UNC80: variants seen among roughly 807,000 people sequenced by gnomAD.
The protein encoded by UNC80 is protein unc-80 homolog.
In UNC80, 164 loss-of-function variants were observed where a neutral mutation model predicts 384.6. That is an observed-to-expected ratio of 0.43 (90% CI 0.38 to 0.49). The LOEUF (loss-of-function observed/expected upper bound fraction) is 0.49. UNC80 is among the 20% of genes least tolerant of loss of function. UNC80 has a pLI of 0.00. For synonymous variants in UNC80, 1,486 were observed against 1,527.8 expected (o/e 0.97, Z 0.64); for missense variants, 3,330 against 4,143.0 (o/e 0.80, Z 5.39).
At chr2:209,859,926 C>T (rs1311683366) in intron 22 of UNC80, among the ~76,000 whole-genome samples, 2 of 152,062 alleles carry the variant, frequency 1.3e-5, no homozygotes, top group African/African-American at 2.4e-5. Context: ...GGAAATTAGA[C>T]CTTTGTCAAA....
chr2:209,945,238 A>G (rs1449370337), intron 46 of UNC80, 49 bp downstream of exon 46: 2 of 1,528,108 alleles, frequency 1.3e-6, no homozygotes, highest in Non-Finnish European at 1.8e-6. Context: ...GCAGTTGTTA[A>G]ATATAAATAT....
At chr2:209,849,303 G>A (rs1387088750) in intron 21 of UNC80, 148 bp from the exon 22 acceptor site, 4 of 747,520 alleles carry the variant, frequency 5.4e-6, no homozygotes, top group Non-Finnish European at 8.4e-6. Context: ...CAAACATTAG[G>A]GTGGAGAGCA....
intron 52 of UNC80, chr2:209,968,297 T>C (rs892389882): frequency 3.9e-5 from 6 of 152,186 alleles, no homozygotes; most frequent in African/African-American, 1.4e-4. Flanking sequence ...AGTGAGCAGA[T>C]AGTTCAACAG....
At chr2:209,981,985 T>C (rs2093167757) in intron 59 of UNC80, among the ~76,000 whole-genome samples, 194 bp from the exon 60 acceptor site, 1 of 152,212 alleles carries the variant, frequency 6.6e-6, no homozygotes, top group South Asian at 2.1e-4. Context: ...GGGAGATGTA[T>C]AGACACGAAG....
At chr2:209,956,138 C>G (rs990505618) in intron 48 of UNC80, among the ~76,000 whole-genome samples, 1 of 152,054 alleles carries the variant, frequency 6.6e-6, no homozygotes, top group African/African-American at 2.4e-5. Flanking sequence ...TTGACTTACT[C>G]GAAGTGTCAC....
At chr2:209,790,103 C>T (rs769339684) in intron 6 of UNC80, among the ~76,000 whole-genome samples, 7 of 152,022 alleles carry the variant, frequency 4.6e-5, no homozygotes, top group Non-Finnish European at 8.8e-5. Context: ...GACTAACCCA[C>T]ATAAAACGGA....
rs2093424240 is a variant in UNC80 at position 209,993,256 on chromosome 2, CA to C, written c.9397-57del. The C allele has an allele frequency of 6.9e-6, 9 of 1,302,650 alleles. No individual in the cohort carries two copies. The Admixed American group carries it at 1.1e-4, about 16-fold the overall frequency. 80.7% of individuals were successfully genotyped at this position (1,302,650 alleles called of 1,614,324 possible). On this transcript the variant is annotated intron_variant, in intron 62 of 64. Transcript: ENST00000673920. ...CCACAGAAACATATAAATAAAGAAACAATTTCCTCCTAGGCAGTTAGACCCT... is the reference window on the plus strand; with the variant it reads ...CCACAGAAACATATAAATAAAGAAACATTTCCTCCTAGGCAGTTAGACCCT...
At position 209,775,964 on chromosome 2, in the gene UNC80, T is replaced by A. The variant is rs1022019762; in HGVS notation, c.217T>A (p.Ser73Thr). The A allele has an allele frequency of 1.9e-6, 3 of 1,614,182 alleles. No homozygotes were observed. Among genetic ancestry groups the A allele is most frequent in the African/African-American group, 2.7e-5 (2 of 75,038 alleles). ...PALSEAIQSI[S>T]RWELVQAALP... ...TCTCTCTGAAGCCATCCAGAGCATTTCCAGATGGGAACTGGTGCAAGCTGC... is the reference window on the plus strand; with the variant it reads ...TCTCTCTGAAGCCATCCAGAGCATTACCAGATGGGAACTGGTGCAAGCTGC... Residue 73 changes from serine (S) to threonine (T), a missense_variant, in exon 3 of 65, where the codon TCC becomes ACC. This residue lies in a region of UNC80 where 86 missense variants were observed against 141.5 expected (regional missense o/e 0.61). Coordinates refer to ENST00000673920, the MANE Select transcript of UNC80 (RefSeq NM_001371986.1).
chr2:209,940,563 CAGGCCTTTGGG>C (rs2091560173), intron 43 of UNC80, among the ~76,000 whole-genome samples: 1 of 152,128 alleles, frequency 6.6e-6, no homozygotes. Context: ...CCTGTAATCC[CAGGCCTTTGGG>C]AGGCCCAGGG....
At chr2:209,859,036 A>T (rs1265241979) in intron 22 of UNC80, among the ~76,000 whole-genome samples, 1 of 152,212 alleles carries the variant, frequency 6.6e-6, no homozygotes. Flanking sequence ...ATATTTAACT[A>T]AAAGTCTAAA....
intron 21 of UNC80, among the ~76,000 whole-genome samples, chr2:209,843,451 C>T (rs1209570047): frequency 6.6e-6 from 1 of 151,930 alleles, no homozygotes; most frequent in East Asian, 1.9e-4. Flanking sequence ...ATTTCATTAA[C>T]TTAGGAGGTA....
intron 25 of UNC80, 58 bp from the exon 26 acceptor site, chr2:209,888,037 A>G (rs1222705925): frequency 2.0e-6 from 3 of 1,514,018 alleles, no homozygotes; most frequent in Non-Finnish European, 2.7e-6. Context: ...GCTTGCCGCG[A>G]GACCAATGCA....
intron 2 of UNC80, among the ~76,000 whole-genome samples, chr2:209,774,842 GA>G: frequency 6.6e-6 from 1 of 152,100 alleles, no homozygotes; most frequent in South Asian, 2.1e-4. Flanking sequence ...TTATAAAGGT[GA>G]ATTTCTTATT....
In UNC80 at chr2:209,943,913, T is replaced by G. The variant is rs565347290; in HGVS notation, c.7050+399T>G. Among the ~76,000 whole-genome samples the G allele has an allele frequency of 5.3e-5, 8 of 152,306 alleles. No homozygotes were observed. In the South Asian group the frequency reaches 1.7e-3, roughly 32 times the overall value. On this transcript the variant is annotated intron_variant, in intron 45 of 64. Coordinates refer to ENST00000673920, the MANE Select transcript of UNC80 (RefSeq NM_001371986.1). Reference sequence around the variant, plus strand: ...ATTGTTTGGTTACCACTGGAGGTAGTGGCCTGACTTCCTACAAGCCTGACT... The same window carrying G: ...ATTGTTTGGTTACCACTGGAGGTAGGGGCCTGACTTCCTACAAGCCTGACT...
intron 25 of UNC80, among the ~76,000 whole-genome samples, chr2:209,886,146 C>A (rs1184951543): frequency 6.6e-6 from 1 of 151,686 alleles, no homozygotes; most frequent in Admixed American, 6.6e-5. Context: ...TAAAAAATTA[C>A]AAAATATTTT....
chr2:209,949,874 T>C (rs1050534626), intron 47 of UNC80, among the ~76,000 whole-genome samples: 2 of 151,574 alleles, frequency 1.3e-5, no homozygotes, highest in African/African-American at 4.9e-5. Context: ...GTTGCCAAGG[T>C]TGGAGTGCAG....
rs772457874 is a variant in UNC80 at position 209,917,797 on chromosome 2, G to T, written c.5050G>T (p.Ala1684Ser). Reference protein sequence around the residue: ...GAAAAMFLLCAVKVPEAVSDM... With the variant: ...GAAAAMFLLCSVKVPEAVSDM... ...TCTAGCTGCCATGTTCCTGCTGTGT[G>T]CAGTGAAGGTGCCTGAGGCCGTGTC... The change falls in exon 32 of 65, where the codon GCA (alanine) becomes TCA (serine). Residue 1684 changes from alanine to serine, a missense_variant. Ala to Ser is a moderately conservative substitution (Grantham distance 99). Coordinates refer to ENST00000673920, the MANE Select transcript of UNC80 (RefSeq NM_001371986.1). 184 of 1,552,046 alleles carry T rather than the reference G, an allele frequency of 1.2e-4. No homozygotes were observed. Among genetic ancestry groups the T allele is most frequent in the Non-Finnish European group, 1.6e-4 (180 of 1,147,098 alleles).
In UNC80 at chr2:209,911,856, A is replaced by G. The variant is rs188689451; in HGVS notation, c.4783-704A>G. On this transcript the variant is annotated intron_variant, in intron 29 of 64. Coordinates refer to ENST00000673920, the MANE Select transcript of UNC80 (RefSeq NM_001371986.1). Reference sequence around the variant, plus strand: ...TTATTCAGTCCATCCCTTGGCATTTAAGGAGTTAGAGGAAGAAATTGTCTT... The same window carrying G: ...TTATTCAGTCCATCCCTTGGCATTTGAGGAGTTAGAGGAAGAAATTGTCTT... 2.6e-5 allele frequency among the ~76,000 whole-genome samples: 4 copies of G among 152,282 alleles called. No homozygotes were observed. In the East Asian group the frequency reaches 7.7e-4, roughly 29 times the overall value.
chr2:209,994,342 T>G, intron 64 of UNC80, 78 bp downstream of exon 64: 1 of 1,303,914 alleles, frequency 7.7e-7, no homozygotes, highest in South Asian at 1.5e-5. Context: ...TGCACATTTA[T>G]TCCATATAAT....
Sources: gnomAD v4.1 joint callset for allele counts (sites outside exome capture counted in the v4.1 genomes callset) on GRCh38, gnomAD v4.1.1 for gene constraint, gnomAD v4.1.1 regional missense constraint, MANE v1.5 for transcripts, NCBI Gene and HGNC (gene_info 2026-07-23, HGNC 2026-07-21) for gene names.